The following SLC7A6OS variants were observed in gnomAD, a reference collection of about 807,000 sequenced individuals.
SLC7A6OS encodes solute carrier family 7 member 6 opposite strand.
Under a neutral mutation model 34.3 loss-of-function variants are expected in SLC7A6OS, and 22 were observed. That is an observed-to-expected ratio of 0.64 (90% CI 0.46 to 0.92). The LOEUF (loss-of-function observed/expected upper bound fraction) is 0.92, where lower values mean the gene tolerates loss of function less well. Ranked by LOEUF, SLC7A6OS falls within the 40% of genes least tolerant of loss-of-function variation. The pLI, the probability that SLC7A6OS is intolerant of heterozygous loss-of-function variation, is 0.00. For missense variants in SLC7A6OS, 434 were observed against 407.7 expected (o/e 1.06, Z -0.56); for synonymous variants, 199 against 165.0 (o/e 1.21, Z -1.58).
In SLC7A6OS at chr16:68,310,943, C is replaced by T. The variant is rs767273041; in HGVS notation, c.-17G>A. 7 of 1,563,044 alleles carry T rather than the reference C, an allele frequency of 4.5e-6. No individual in the cohort carries two copies. In the South Asian group the frequency reaches 8.0e-5, roughly 18 times the overall value. On this transcript the variant is annotated 5_prime_UTR_variant, in exon 1 of 5. Transcript: ENST00000263997. ...GGCCTCCATAGTGGCTGCCGCTGAG[C>T]ACTGTGGGAGCTCGCGGGGTGTGAT...
In SLC7A6OS at chr16:68,310,445, A is replaced by C. The variant is rs1292027337; in HGVS notation, c.361T>G (p.Ser121Ala). Reference protein sequence around the residue: ...SLGTTSSGQESEYTPGNPEAA... With the variant: ...SLGTTSSGQEAEYTPGNPEAA... ...TCTGGGTTCCCCGGCGTGTACTCGG[A>C]CTCCTGGCCGCTCGAGGTGGTCCCC... is the stretch of plus-strand genomic sequence containing the variant. Residue 121 changes from serine (S) to alanine (A), a missense_variant, in exon 2 of 5, where the codon TCC becomes GCC. By Grantham distance (99) the Ser-to-Ala change is moderately conservative. Transcript: ENST00000263997. 5.6e-6 allele frequency: 9 copies of C among 1,604,350 alleles called. No homozygotes were observed. Among genetic ancestry groups the C allele is most frequent in the Non-Finnish European group, 7.7e-6 (9 of 1,175,916 alleles).
Position 68,304,115 on chromosome 16 carries a change from C to A in SLC7A6OS, c.589G>T (p.Val197Leu). 1.2e-6 allele frequency: 2 copies of A among 1,614,202 alleles called. No individual in the cohort carries two copies. The highest frequency in any genetic ancestry group is 1.7e-6 in the Non-Finnish European group (2 of 1,180,042). ...GTCTCCAAGTAGTAAATGTCATACA[C>A]ATAGTCATCGTGTTTTTGTTCTTCC... ...RQEEQKHDDYVYDIYYLETAT... is the reference protein window; with the variant it reads ...RQEEQKHDDYLYDIYYLETAT... The change falls in exon 3 of 5, where the codon GTG becomes TTG. Residue 197 changes from valine to leucine, a missense_variant. Val to Leu is a conservative substitution (Grantham distance 32, BLOSUM62 1). Transcript: ENST00000263997.
Position 68,310,741 on chromosome 16 carries a change from GCA to G in SLC7A6OS, c.184_185del (p.Cys62LeufsTer27), listed in dbSNP as rs1567608881. On this transcript the variant is annotated frameshift_variant, in exon 1 of 5. Coordinates refer to ENST00000263997, the MANE Select transcript of SLC7A6OS (RefSeq NM_032178.3). LOFTEE classifies it high-confidence loss of function. ...GCTGCACCACGCCCAATACCTGGGA[GCA>G]CACAGTGGCCACCAAGTGGAAGACA... ...NNVFHLVATV[C>X]SQEEPVQPLL... The G allele has an allele frequency of 6.2e-7, 1 of 1,607,158 alleles. No individual in the cohort carries two copies. The highest frequency in any genetic ancestry group is 8.5e-7 in the Non-Finnish European group (1 of 1,175,240).
At position 68,301,664 on chromosome 16, in the gene SLC7A6OS, T is replaced by G. The variant is rs375466323; in HGVS notation, c.800-259A>C. The G allele has an allele frequency of 1.2e-4, 35 of 288,434 alleles. 1 individual carries two copies. Among genetic ancestry groups the G allele is most frequent in the East Asian group, 1.1e-3 (16 of 15,162 alleles). The allele number at this position is 288,434 out of a possible 1,614,324, so 17.9% of individuals were successfully genotyped here. On this transcript the variant is annotated intron_variant, in intron 4 of 4. Transcript: ENST00000263997. ...TATTTTGTCACTTCTCCCCTCCGTA[T>G]AGGATTTTTTGTTGTTGTAAGAGTT... is the stretch of plus-strand genomic sequence containing the variant.
intron 3 of SLC7A6OS, among the ~76,000 whole-genome samples, chr16:68,303,467 T>G (rs1422179837): frequency 6.7e-6 from 1 of 150,320 alleles, no homozygotes; most frequent in African/African-American, 2.5e-5. Context: ...TACTCCTGGC[T>G]GGCTGCTTGG....
At chr16:68,308,368 C>T (rs1433765960) in intron 2 of SLC7A6OS, among the ~76,000 whole-genome samples, 3 of 151,914 alleles carry the variant, frequency 2.0e-5, no homozygotes, top group Non-Finnish European at 4.4e-5. Flanking sequence ...TGGCTCACGC[C>T]TGTAATCCCA....
In SLC7A6OS at chr16:68,301,357, C is replaced by G; in HGVS notation, c.848G>C (p.Arg283Thr). 1 of 1,614,144 alleles carries G rather than the reference C, an allele frequency of 6.2e-7. No individual in the cohort carries two copies. Among genetic ancestry groups the G allele is most frequent in the South Asian group, 1.1e-5 (1 of 91,078 alleles). Residue 283 changes from arginine to threonine, a missense_variant, in exon 5 of 5, where the codon AGA (arginine) becomes ACA (threonine). By Grantham distance (71) the Arg-to-Thr change is moderately conservative. Transcript: ENST00000263997. ...AGGGTACTTGCTCCACATCCGCTGT[C>G]TGCTGCTGCCTCTTTCCTCCTCACT... ...SLSEEERGSS[R>T]QRMWSKYPLD...
In SLC7A6OS at chr16:68,310,910, G is replaced by A. The variant is rs1016132635; in HGVS notation, c.17C>T (p.Thr6Ile). Residue 6 changes from threonine to isoleucine, a missense_variant, in exon 1 of 5, where the codon ACC (threonine) becomes ATC (isoleucine). Physicochemically the swap from Thr to Ile is moderately conservative, Grantham distance 89. Transcript: ENST00000263997. MEAARTAVLRVKRKRS... is the reference protein window; with the variant it reads MEAARIAVLRVKRKRS... ...CTTCCGCTTCACCCGGAGTACAGCG[G>A]TCCTGGCGGCCTCCATAGTGGCTGC... 1 of 1,589,184 alleles carries A rather than the reference G, an allele frequency of 6.3e-7. No homozygotes were observed. Among genetic ancestry groups the A allele is most frequent in the Non-Finnish European group, 8.5e-7 (1 of 1,171,046 alleles).
chr16:68,301,415 C>T lies in SLC7A6OS; in HGVS notation c.800-10G>A. ...TTGTAGTCAGCAGAGCCTAGAATGACATCCCGGGAGTGGATTCTAAATGTG... is the reference window on the plus strand; with the variant it reads ...TTGTAGTCAGCAGAGCCTAGAATGATATCCCGGGAGTGGATTCTAAATGTG... On this transcript the variant is annotated splice_polypyrimidine_tract_variant and intron_variant, in intron 4 of 4. Coordinates refer to ENST00000263997, the MANE Select transcript of SLC7A6OS (RefSeq NM_032178.3). The T allele has an allele frequency of 6.2e-7, 1 of 1,611,868 alleles. No homozygotes were observed. Among genetic ancestry groups the T allele is most frequent in the Non-Finnish European group, 8.5e-7 (1 of 1,178,630 alleles).
In SLC7A6OS at chr16:68,310,839, G is replaced by C. The variant is rs2043504250; in HGVS notation, c.88C>G (p.Leu30Val). ...AEALVLACKRLRSDAVESAAQ... is the reference protein window; with the variant it reads ...AEALVLACKRVRSDAVESAAQ... ...GCTGACTCGACCGCGTCGCTCCGGA[G>C]GCGTTTACAAGCGAGCACAAGAGCC... Residue 30 changes from leucine to valine, a missense_variant, in exon 1 of 5, where the codon CTC (leucine) becomes GTC (valine). Leu to Val is a conservative substitution (Grantham distance 32, BLOSUM62 1). Coordinates refer to ENST00000263997, the MANE Select transcript of SLC7A6OS (RefSeq NM_032178.3). The C allele has an allele frequency of 1.9e-6, 3 of 1,613,590 alleles. No homozygotes were observed. In the East Asian group the frequency reaches 6.7e-5, roughly 36 times the overall value.
Position 68,301,283 on chromosome 16 carries a change from A to C in SLC7A6OS, c.922T>G (p.Ser308Ala). The change falls in exon 5 of 5, where the codon TCA becomes GCA. Residue 308 changes from serine to alanine, a missense_variant. Physicochemically the swap from Ser to Ala is moderately conservative, Grantham distance 99. Coordinates refer to ENST00000263997, the MANE Select transcript of SLC7A6OS (RefSeq NM_032178.3). ...FGYDSPHDLD[S>A]D ...TGGACATCACAAGACCATCAGTCTG[A>C]ATCCAGGTCGTGGGGGCTGTCATAG... 1 of 1,614,084 alleles carries C rather than the reference A, an allele frequency of 6.2e-7. No homozygotes were observed. Among genetic ancestry groups the C allele is most frequent in the Non-Finnish European group, 8.5e-7 (1 of 1,179,958 alleles).
In SLC7A6OS at chr16:68,299,442, A is replaced by C. The variant is rs939171016; in HGVS notation, c.*1833T>G. 6.6e-6 allele frequency: 1 copy of C among 152,504 alleles called. No homozygotes were observed. Among genetic ancestry groups the C allele is most frequent in the African/African-American group, 2.4e-5 (1 of 41,384 alleles). 9.4% of individuals were successfully genotyped at this position (152,504 alleles called of 1,614,324 possible). ...TTTTTCCCCTCTGTGCTGGATACAG[A>C]CTTCTCCCAGGATCCTCTCTTTGGG... is the stretch of plus-strand genomic sequence containing the variant. On this transcript the variant is annotated 3_prime_UTR_variant, in exon 5 of 5. Coordinates refer to ENST00000263997, the MANE Select transcript of SLC7A6OS (RefSeq NM_032178.3).
intron 2 of SLC7A6OS, among the ~76,000 whole-genome samples, chr16:68,304,475 C>T (rs991336084): frequency 6.6e-6 from 1 of 152,150 alleles, no homozygotes; most frequent in African/African-American, 2.4e-5. Flanking sequence ...TGCGTGCCAC[C>T]ATGCCTGGCT....
In SLC7A6OS at chr16:68,299,791, C is replaced by A. The variant is rs771291542; in HGVS notation, c.*1484G>T. 1.1e-4 allele frequency: 16 copies of A among 152,106 alleles called. No homozygotes were observed. The highest frequency in any genetic ancestry group is 2.1e-4 in the Non-Finnish European group (14 of 68,034). The allele number at this position is 152,106 out of a possible 1,614,324, so 9.4% of individuals were successfully genotyped here. ...ACATACAAGTTGCTGCCTGTTATAA[C>A]GGTGAATTATACCTTTGTGCATGCC... On this transcript the variant is annotated 3_prime_UTR_variant, in exon 5 of 5. Transcript: ENST00000263997.
In SLC7A6OS at chr16:68,310,515, G is replaced by A. The variant is rs576050687; in HGVS notation, c.291C>T (p.Val97=). Residue 97 remains valine (V), a synonymous_variant, in exon 2 of 5, where the codon GTC becomes GTT. Transcript: ENST00000263997. The stretch of plus-strand genomic sequence containing the variant: ...GCACCCGGTAGCGGCCCTCCTGCCG[G>A]ACCTCCCGAGCCGAGGCGCGGAGAT... ...RRNLRASARE[V]RQEGRYRVLS... 1.3e-6 allele frequency: 2 copies of A among 1,582,364 alleles called. No homozygotes were observed. The highest frequency in any genetic ancestry group is 1.8e-5 in the Admixed American group (1 of 55,078).
At position 68,310,821 on chromosome 16, in the gene SLC7A6OS, C is replaced by G; in HGVS notation, c.106G>C (p.Glu36Gln). ...ACKRLRSDAV[E>Q]SAAQKTSEGL... ...TCCGACGTCTTCTGTGCCGCTGACT[C>G]GACCGCGTCGCTCCGGAGGCGTTTA... Residue 36 changes from glutamate to glutamine, a missense_variant, in exon 1 of 5, where the codon GAG (glutamate) becomes CAG (glutamine). Physicochemically the swap from Glu to Gln is conservative, Grantham distance 29. Coordinates refer to ENST00000263997, the MANE Select transcript of SLC7A6OS (RefSeq NM_032178.3). The G allele has an allele frequency of 1.2e-6, 2 of 1,613,752 alleles. No homozygotes were observed. The highest frequency in any genetic ancestry group is 1.7e-6 in the Non-Finnish European group (2 of 1,179,960).
chr16:68,300,693 AAGTC>A lies in SLC7A6OS; in HGVS notation c.*578_*581del. On this transcript the variant is annotated 3_prime_UTR_variant, in exon 5 of 5. Coordinates refer to ENST00000263997, the MANE Select transcript of SLC7A6OS (RefSeq NM_032178.3). ...TGTTTCTTGGCCCCACTGCCAAAGG[AAGTC>A]AGTCAGTAATTTCACAACCGTTATC... 1.0e-6 allele frequency: 1 copy of A among 985,476 alleles called. No individual in the cohort carries two copies. Among genetic ancestry groups the A allele is most frequent in the Non-Finnish European group, 1.2e-6 (1 of 829,950 alleles). 61.0% of individuals were successfully genotyped at this position (985,476 alleles called of 1,614,324 possible).
Position 68,310,717 on chromosome 16 carries a change from C to G in SLC7A6OS, c.192+18G>C, listed in dbSNP as rs758085797. On this transcript the variant is annotated intron_variant, in intron 1 of 4. Coordinates refer to ENST00000263997, the MANE Select transcript of SLC7A6OS (RefSeq NM_032178.3). The stretch of plus-strand genomic sequence containing the variant: ...CACCCGAAGATGCCCTCCACACCAG[C>G]TGCACCACGCCCAATACCTGGGAGC... 10 of 1,594,306 alleles carry G rather than the reference C, an allele frequency of 6.3e-6. No individual in the cohort carries two copies. The highest frequency in any genetic ancestry group is 1.3e-5 in the African/African-American group (1 of 74,778).
At position 68,304,192 on chromosome 16, in the gene SLC7A6OS, A is replaced by T. The variant is rs1473425948; in HGVS notation, c.512T>A (p.Leu171Ter). The T allele has an allele frequency of 1.2e-6, 2 of 1,614,222 alleles. No homozygotes were observed. Residue 171 changes from leucine (L) to a stop codon, truncating the protein, a stop_gained, in exon 3 of 5, where the codon TTG becomes TAG. Transcript: ENST00000263997. LOFTEE classifies it high-confidence loss of function. ...PDVILCNSVE[L>*]IRERLTVSED... ...AGACACAGTCAATCGCTCACGGATCAACTCTACAGAATTGCAGAGGATCAC... is the reference window on the plus strand; with the variant it reads ...AGACACAGTCAATCGCTCACGGATCTACTCTACAGAATTGCAGAGGATCAC...
Sources: gnomAD v4.1 joint callset for allele counts (sites outside exome capture counted in the v4.1 genomes callset) on GRCh38, gnomAD v4.1.1 for gene constraint, MANE v1.5 for transcripts, NCBI Gene and HGNC (gene_info 2026-07-23, HGNC 2026-07-21) for gene names.